TMPRSS2: variants seen among roughly 807,000 people sequenced by gnomAD.
TMPRSS2 encodes the protein transmembrane serine protease 2, also known as transmembrane protease serine 2.
In TMPRSS2, 59 loss-of-function variants were observed where a neutral mutation model predicts 67.4. The ratio of observed to expected loss-of-function variants is 0.88; its 90% confidence interval spans 0.71 to 1.09. The LOEUF (loss-of-function observed/expected upper bound fraction) is 1.09, where lower values mean the gene tolerates loss of function less well. TMPRSS2 is among the 50% of genes least tolerant of loss of function. The pLI, the probability that TMPRSS2 is intolerant of heterozygous loss-of-function variation, is 0.00. For missense variants in TMPRSS2, 668 were observed against 642.7 expected (o/e 1.04, Z -0.43); for synonymous variants, 257 against 257.0 (o/e 1.00, Z 0.00).
intron 3 of TMPRSS2, among the ~76,000 whole-genome samples, chr21:41,491,116 G>C (rs1035628536): frequency 1.1e-4 from 16 of 146,042 alleles, no homozygotes; most frequent in Non-Finnish European, 4.5e-5. Context: ...CAGAGATTCT[G>C]TTTCAGTTGG....
intron 9 of TMPRSS2, 23 bp downstream of exon 9, chr21:41,473,302 G>A (rs201984814): frequency 4.2e-5 from 66 of 1,559,340 alleles, no homozygotes; most frequent in Middle Eastern, 4.6e-4. Context: ...GCCCCCACCC[G>A]GCCCGCGCCG....
At chr21:41,495,531 G>C (rs570041169) in intron 2 of TMPRSS2, among the ~76,000 whole-genome samples, 1 of 151,500 alleles carries the variant, frequency 6.6e-6, no homozygotes, top group African/African-American at 2.4e-5. Flanking sequence ...AGGCCGAGGC[G>C]GGAGAATTGC....
chr21:41,474,311 G>T (rs1246333686), intron 8 of TMPRSS2, among the ~76,000 whole-genome samples: 1 of 2,752 alleles, frequency 3.6e-4, no homozygotes, highest in African/African-American at 2.5e-3. Context: ...AGGTGAGGGG[G>T]TGAGTGAGGA....
At chr21:41,500,415 G>A (rs142296178) in intron 1 of TMPRSS2, among the ~76,000 whole-genome samples, 11 of 152,294 alleles carry the variant, frequency 7.2e-5, no homozygotes, top group African/African-American at 2.6e-4. Flanking sequence ...CTACCAACAT[G>A]AAGCCCACCA....
At chr21:41,504,089 C>T (rs767417297) in intron 1 of TMPRSS2, among the ~76,000 whole-genome samples, 2 of 152,232 alleles carry the variant, frequency 1.3e-5, no homozygotes, top group African/African-American at 2.4e-5. Flanking sequence ...CCAAGTCAGA[C>T]CTCGCTTGAA....
At position 41,469,748 on chromosome 21, in the gene TMPRSS2, C is replaced by G. The variant is rs2070791; in HGVS notation, c.1171+900G>C. ...CTGACCACACCTGCCCCGTCCCCAC[C>G]ACCGACATCCAGAAGAGAGGTAAAG... is the stretch of plus-strand genomic sequence containing the variant. On this transcript the variant is annotated intron_variant, in intron 11 of 13. Transcript: ENST00000332149. 4.9e-3 allele frequency among the ~76,000 whole-genome samples: 753 copies of G among 152,308 alleles called. 30 individuals are homozygous for G. In the East Asian group the frequency reaches 0.091, roughly 18 times the overall value.
chr21:41,491,470 C>G (rs1017889067), intron 3 of TMPRSS2, among the ~76,000 whole-genome samples: 1 of 152,114 alleles, frequency 6.6e-6, no homozygotes, highest in South Asian at 2.1e-4. Flanking sequence ...CTAACAGGCT[C>G]ACAGATGAGG....
chr21:41,470,321 G>C (rs1601561605), intron 11 of TMPRSS2, among the ~76,000 whole-genome samples: 2 of 152,274 alleles, frequency 1.3e-5, no homozygotes, highest in African/African-American at 4.8e-5. Context: ...CGCAGGCCTT[G>C]GTGGGATCTC....
intron 8 of TMPRSS2, among the ~76,000 whole-genome samples, chr21:41,475,372 A>G (rs1601569573): frequency 7.3e-5 from 1 of 13,680 alleles, no homozygotes; most frequent in African/African-American, 5.6e-4. Context: ...TGAGGGAGTG[A>G]GGGATTAGTG....
intron 1 of TMPRSS2, 50 bp downstream of exon 1, chr21:41,508,031 C>T: frequency 1.5e-6 from 2 of 1,313,870 alleles, no homozygotes; most frequent in South Asian, 2.1e-5. Context: ...CCCAGGTTCC[C>T]CTCCCCAGCC....
Position 41,494,436 on chromosome 21 carries a change from G to GA in TMPRSS2, c.157_158insT (p.Ala53ValfsTer30). On this transcript the variant is annotated frameshift_variant, in exon 3 of 14. Transcript: ENST00000332149. LOFTEE classifies it high-confidence loss of function. Reference sequence around the variant, plus strand: ...GGAAGCCTGCGTCAGGACCCTCGGGGCGTACTGGGGCACGGGGGACGGGTA... The same window carrying GA: ...GGAAGCCTGCGTCAGGACCCTCGGGGACGTACTGGGGCACGGGGGACGGGTA... 1.2e-6 allele frequency: 2 copies of GA among 1,613,188 alleles called. No individual in the cohort carries two copies. The highest frequency in any genetic ancestry group is 1.7e-6 in the Non-Finnish European group (2 of 1,179,762).
chr21:41,492,816 A>G (rs430915), intron 3 of TMPRSS2, among the ~76,000 whole-genome samples: 92,142 of 152,016 alleles, frequency 0.61, 29,619 homozygotes, highest in African/African-American at 0.83. Flanking sequence ...GGGTTTAGCC[A>G]TCACTGGTGG....
rs149021153 is a variant in TMPRSS2 at position 41,507,014 on chromosome 21, A to G, written c.-57+1067T>C. Among the ~76,000 whole-genome samples the G allele has an allele frequency of 2.0e-3, 303 of 152,246 alleles. 1 individual carries two copies. Among genetic ancestry groups the G allele is most frequent in the African/African-American group, 6.9e-3 (286 of 41,552 alleles). ...CCGCCGTGCTATCCTTTCCTTCCCA[A>G]ACAAGCCACCAGGATTCCTCGTGAT... On this transcript the variant is annotated intron_variant, in intron 1 of 13. Transcript: ENST00000332149.
At chr21:41,479,834 G>C (rs28403625) in intron 6 of TMPRSS2, among the ~76,000 whole-genome samples, 3 of 152,024 alleles carry the variant, frequency 2.0e-5, no homozygotes, top group African/African-American at 7.3e-5. Flanking sequence ...CCTCTCCCCC[G>C]ATGCCTGAGG....
chr21:41,472,291 G>C (rs1007100373), intron 9 of TMPRSS2, among the ~76,000 whole-genome samples: 1 of 152,152 alleles, frequency 6.6e-6, no homozygotes, highest in Admixed American at 6.5e-5. Flanking sequence ...AGCAGGACTG[G>C]CCCTTATTTT....
At chr21:41,470,061 G>A (rs2070788) in intron 11 of TMPRSS2, among the ~76,000 whole-genome samples, 89,096 of 152,008 alleles carry the variant, frequency 0.59, 26,653 homozygotes, top group African/African-American at 0.7. Context: ...TGGCCTAGAC[G>A]CTTTTGAGAA....
At chr21:41,467,494 A>C (rs2091094895) in intron 13 of TMPRSS2, among the ~76,000 whole-genome samples, 1 of 152,200 alleles carries the variant, frequency 6.6e-6, no homozygotes, top group Non-Finnish European at 1.5e-5. Context: ...ATTTCACACA[A>C]GCTGAGCCCC....
intron 1 of TMPRSS2, among the ~76,000 whole-genome samples, chr21:41,499,677 ATACTGTAC>A (rs374937608): frequency 3.4e-4 from 52 of 152,236 alleles, no homozygotes; most frequent in African/African-American, 1.2e-3. Flanking sequence ...CCACTTGCCC[ATACTGTAC>A]TCAAGCGGAT....
At chr21:41,490,731 G>A (rs1012269515) in intron 3 of TMPRSS2, among the ~76,000 whole-genome samples, 5 of 152,248 alleles carry the variant, frequency 3.3e-5, no homozygotes, top group Non-Finnish European at 5.9e-5. Context: ...AGAGTCAGAC[G>A]CTGGGCTCAG....
Sources: allele counts gnomAD v4.1 joint callset (sites outside exome capture counted in the v4.1 genomes callset), GRCh38; gene constraint gnomAD v4.1.1; transcripts MANE v1.5; gene names NCBI Gene and HGNC (gene_info 2026-07-23, HGNC 2026-07-21).